Variants in PKD1L1 observed in about 807,000 individuals in gnomAD.
The protein encoded by PKD1L1 is polycystin 1 like 1, transient receptor potential channel interacting, also known as polycystin-1-like protein 1.
PKD1L1 carries 236 observed loss-of-function variants against 323.4 expected under a neutral mutation model. The ratio of observed to expected loss-of-function variants is 0.73; its 90% confidence interval spans 0.66 to 0.81. The LOEUF is 0.81. PKD1L1 is among the 40% of genes least tolerant of loss of function. The pLI is 0.00. For missense variants in PKD1L1, 3,320 were observed against 3,508.0 expected (o/e 0.95, Z 1.35); for synonymous variants, 1,344 against 1,335.0 (o/e 1.01, Z -0.15).
chr7:47,818,208 A>C, intron 46 of PKD1L1: 1 of 1,357,502 alleles, frequency 7.4e-7, no homozygotes, highest in Non-Finnish European at 9.8e-7. Flanking sequence ...GAGCAGATAC[A>C]TCTCTGCAAA....
intron 16 of PKD1L1, among the ~76,000 whole-genome samples, 186 bp from the exon 17 acceptor site, chr7:47,888,336 C>T (rs1243292745): frequency 2.0e-5 from 3 of 152,356 alleles, no homozygotes; most frequent in African/African-American, 7.2e-5. Context: ...GCTCGACACT[C>T]ACGTGATCTG....
chr7:47,858,611 C>A lies in PKD1L1; in HGVS notation c.4362+62G>T, dbSNP rs567973690. ...TGGTTTTGAGAAGCAATTACAAATA[C>A]AGGTTAACATCCTGGGATATGGAAA... On this transcript the variant is annotated intron_variant, in intron 27 of 56. Transcript: ENST00000289672. 2.7e-6 allele frequency: 4 copies of A among 1,461,554 alleles called. No homozygotes were observed. The South Asian group carries it at 4.6e-5, about 17-fold the overall frequency. 90.5% of individuals were successfully genotyped at this position (1,461,554 alleles called of 1,614,324 possible).
At chr7:47,822,594 C>CAA (rs745820560) in intron 45 of PKD1L1, among the ~76,000 whole-genome samples, 4,258 of 70,752 alleles carry the variant, frequency 0.06, 517 homozygotes, top group South Asian at 0.083. Context: ...GACTCCGTCT[C>CAA]AAAAAAAAAA....
At chr7:47,948,479 A>C (rs180878940), upstream of PKD1L1, 16 of 1,606,800 alleles carry the variant, frequency 1.0e-5, no homozygotes, top group Non-Finnish European at 1.4e-5. Context: ...CAGTCAGCAG[A>C]CCAGCTTCTT....
intron 11 of PKD1L1, among the ~76,000 whole-genome samples, 174 bp downstream of exon 11, chr7:47,904,983 A>C (rs1395210821): frequency 6.6e-6 from 1 of 152,178 alleles, no homozygotes; most frequent in Non-Finnish European, 1.5e-5. Flanking sequence ...AGAGAAATGA[A>C]CGAAATCTTC....
chr7:47,902,778 A>C (rs975172452), intron 12 of PKD1L1, among the ~76,000 whole-genome samples: 1 of 152,196 alleles, frequency 6.6e-6, no homozygotes, highest in Non-Finnish European at 1.5e-5. Context: ...TTCAAACAAT[A>C]CATCTATGTG....
chr7:47,778,927 CGATCATATCGTTTTTAAAAAAT>C (rs1414723809), intron 56 of PKD1L1, among the ~76,000 whole-genome samples: 1 of 152,136 alleles, frequency 6.6e-6, no homozygotes, highest in Non-Finnish European at 1.5e-5. Flanking sequence ...CAGACACTGG[CGATCATATCGTTTTTAAAAAAT>C]GATATTCAGC....
chr7:47,861,880 C>CAGA (rs1786034788), intron 26 of PKD1L1, among the ~76,000 whole-genome samples: 1 of 43,900 alleles, frequency 2.3e-5, no homozygotes, highest in Non-Finnish European at 3.7e-5. Context: ...GACTCTGTCT[C>CAGA]AAAAAAAAAA....
At chr7:47,829,651 ATTCC>A in intron 43 of PKD1L1, 50 bp from the exon 44 acceptor site, 2 of 1,532,208 alleles carry the variant, frequency 1.3e-6, no homozygotes, top group Non-Finnish European at 1.8e-6. Context: ...GTCTGTGTTC[ATTCC>A]ACACAGAGCT....
chr7:47,797,105 G>A (rs1784559122), intron 54 of PKD1L1, among the ~76,000 whole-genome samples: 1 of 152,036 alleles, frequency 6.6e-6, no homozygotes, highest in South Asian at 2.1e-4. Flanking sequence ...CACTGATAAT[G>A]TTATAAGGCC....
At chr7:47,934,809 A>C (rs1422623341) in intron 4 of PKD1L1, among the ~76,000 whole-genome samples, 1 of 152,118 alleles carries the variant, frequency 6.6e-6, no homozygotes, top group African/African-American at 2.4e-5. Context: ...GAGTACCCCC[A>C]CCAGGCTTAA....
At chr7:47,882,129 C>T (rs890120985) in intron 19 of PKD1L1, 44 bp from the exon 20 acceptor site, 3 of 1,589,652 alleles carry the variant, frequency 1.9e-6, no homozygotes, top group African/African-American at 1.4e-5. Context: ...GAAAAAAAGT[C>T]ATGATGATCT....
intron 27 of PKD1L1, 75 bp downstream of exon 27, chr7:47,858,598 G>A: frequency 5.0e-6 from 7 of 1,386,742 alleles, no homozygotes; most frequent in Non-Finnish European, 7.1e-6. Flanking sequence ...GTTTTGAGAA[G>A]CAATTACAAA....
chr7:47,949,368 C>CAAAAAAAAAAAAAAA (rs58131581), upstream of PKD1L1, among the ~76,000 whole-genome samples: 540 of 57,092 alleles, frequency 9.5e-3, 88 homozygotes, highest in African/African-American at 0.032. Flanking sequence ...GGCTCTGTCT[C>CAAAAAAAAAAAAAAA]AAAAAAAAAA....
At chr7:47,810,387 T>C (rs968798978) in intron 50 of PKD1L1, among the ~76,000 whole-genome samples, 1 of 152,244 alleles carries the variant, frequency 6.6e-6, no homozygotes, top group Non-Finnish European at 1.5e-5. Context: ...TTTTTTGATA[T>C]GAATTCTGAT....
Position 47,834,955 on chromosome 7 carries a change from A to G in PKD1L1, c.6127+12T>C, listed in dbSNP as rs748722849. On this transcript the variant is annotated intron_variant, in intron 39 of 56. Transcript: ENST00000289672. Reference sequence around the variant, plus strand: ...CCACGGAGAGTTTCTGAGAGTTTTAATGTACATTTACCATGGGGTGCCTCG... The same window carrying G: ...CCACGGAGAGTTTCTGAGAGTTTTAGTGTACATTTACCATGGGGTGCCTCG... 3 of 1,611,326 alleles carry G rather than the reference A, an allele frequency of 1.9e-6. No homozygotes were observed. In the South Asian group the frequency reaches 3.3e-5, roughly 18 times the overall value.
intron 26 of PKD1L1, among the ~76,000 whole-genome samples, chr7:47,864,576 T>TTTTCTTTCTTTCTTTTC (rs1786107347): frequency 7.4e-5 from 8 of 107,516 alleles, no homozygotes; most frequent in African/African-American, 2.9e-4. Flanking sequence ...TTTTTCTTTC[T>TTTTCTTTCTTTCTTTTC]TTTCTTTCTT....
chr7:47,908,314 T>C, intron 8 of PKD1L1, 64 bp from the exon 9 acceptor site: 1 of 1,470,024 alleles, frequency 6.8e-7, no homozygotes, highest in Non-Finnish European at 9.4e-7. Flanking sequence ...CAGTTAACAT[T>C]TGTAGAATGG....
intron 24 of PKD1L1, among the ~76,000 whole-genome samples, chr7:47,871,357 A>G (rs569433337): frequency 6.6e-6 from 1 of 152,208 alleles, no homozygotes; most frequent in South Asian, 2.1e-4. Flanking sequence ...TCAAGACACT[A>G]ATAGGCTCAG....
Sources: allele counts gnomAD v4.1 joint callset (sites outside exome capture counted in the v4.1 genomes callset), GRCh38; gene constraint gnomAD v4.1.1; transcripts MANE v1.5; gene names NCBI Gene and HGNC (gene_info 2026-07-23, HGNC 2026-07-21).